The following WDFY2 variants were observed in gnomAD, a reference collection of about 807,000 sequenced individuals.
WDFY2 encodes the protein WD repeat and FYVE domain containing 2, also known as WD repeat and FYVE domain-containing protein 2.
Under a neutral mutation model 56.4 loss-of-function variants are expected in WDFY2, and 36 were observed. The ratio of observed to expected loss-of-function variants is 0.64; its 90% CI spans 0.49 to 0.84. WDFY2 has a LOEUF of 0.84. WDFY2 is among the 40% of genes least tolerant of loss of function. The pLI is 0.00. For synonymous variants in WDFY2, 176 were observed against 183.7 expected (o/e 0.96, Z 0.34); for missense variants, 444 against 512.2 (o/e 0.87, Z 1.29).
chr13:51,597,584 G>A (rs576355704), intron 1 of WDFY2, among the ~76,000 whole-genome samples: 17 of 152,278 alleles, frequency 1.1e-4, no homozygotes, highest in Middle Eastern at 3.4e-3. Flanking sequence ...AGTAGTTCAT[G>A]CTTATGTATG....
At chr13:51,705,833 C>T (rs921874181) in intron 4 of WDFY2, among the ~76,000 whole-genome samples, 17 of 151,976 alleles carry the variant, frequency 1.1e-4, no homozygotes, top group African/African-American at 3.9e-4. Context: ...TTGTTTTTAG[C>T]CTAAATGCTG....
chr13:51,664,380 C>T (rs967585065), intron 2 of WDFY2, among the ~76,000 whole-genome samples: 1 of 152,188 alleles, frequency 6.6e-6, no homozygotes, highest in African/African-American at 2.4e-5. Context: ...TAGTCTCAGC[C>T]TGGGCAGGGC....
chr13:51,729,590 C>A (rs1200604483), intron 6 of WDFY2, among the ~76,000 whole-genome samples: 1 of 151,638 alleles, frequency 6.6e-6, no homozygotes, highest in Non-Finnish European at 1.5e-5. Flanking sequence ...CTTCTCTTCT[C>A]AGTGCAGGAG....
chr13:51,739,268 T>G, intron 7 of WDFY2, 93 bp downstream of exon 7: 1 of 1,387,908 alleles, frequency 7.2e-7, no homozygotes. Flanking sequence ...TGGCAGGATC[T>G]TAGCATGGGA....
chr13:51,606,432 G>A (rs3908968), intron 1 of WDFY2, among the ~76,000 whole-genome samples: 20,712 of 152,066 alleles, frequency 0.14, 1,759 homozygotes, highest in South Asian at 0.23. Context: ...GATATATCCA[G>A]GTTAGATGCT....
intron 1 of WDFY2, among the ~76,000 whole-genome samples, chr13:51,605,642 A>G (rs1954372626): frequency 6.6e-6 from 1 of 152,260 alleles, no homozygotes; most frequent in Non-Finnish European, 1.5e-5. Flanking sequence ...TTCACATTAC[A>G]TAATTATTAC....
intron 3 of WDFY2, among the ~76,000 whole-genome samples, chr13:51,701,923 A>C (rs1951993242): frequency 6.6e-6 from 1 of 152,174 alleles, no homozygotes; most frequent in Non-Finnish European, 1.5e-5. Flanking sequence ...GCCTGTGATT[A>C]AAAGTTGCTA....
chr13:51,601,249 G>A (rs57658668), intron 1 of WDFY2, among the ~76,000 whole-genome samples: 4 of 152,058 alleles, frequency 2.6e-5, no homozygotes, highest in Admixed American at 1.3e-4. Flanking sequence ...TATGGGCACA[G>A]CATATATCCT....
chr13:51,619,059 A>G (rs1022284402), intron 1 of WDFY2, among the ~76,000 whole-genome samples: 1 of 152,234 alleles, frequency 6.6e-6, no homozygotes, highest in African/African-American at 2.4e-5. Context: ...GGAAAAGCAG[A>G]TTGTGTGCCT....
At chr13:51,665,955 C>T (rs1045556106) in intron 2 of WDFY2, among the ~76,000 whole-genome samples, 3 of 152,192 alleles carry the variant, frequency 2.0e-5, no homozygotes, top group South Asian at 2.1e-4. Flanking sequence ...GTCTTGTCAC[C>T]TTCCCAGTTC....
chr13:51,589,700 G>T (rs1411252855), intron 1 of WDFY2: 5 of 152,194 alleles, frequency 3.3e-5, no homozygotes. Flanking sequence ...TTTTCAGAGT[G>T]AGGGAGTGAG....
chr13:51,607,075 A>G (rs1285052286), intron 1 of WDFY2, among the ~76,000 whole-genome samples: 1 of 152,232 alleles, frequency 6.6e-6, no homozygotes, highest in Non-Finnish European at 1.5e-5. Context: ...TAAAATTTGT[A>G]TGCTTTTCTC....
intron 1 of WDFY2, among the ~76,000 whole-genome samples, chr13:51,637,801 GATTA>G (rs1489048055): frequency 6.6e-6 from 1 of 152,142 alleles, no homozygotes; most frequent in Non-Finnish European, 1.5e-5. Context: ...TGTGATAAAG[GATTA>G]ATTGTCTTAA....
At chr13:51,605,246 G>A (rs1833133016) in intron 1 of WDFY2, among the ~76,000 whole-genome samples, 2 of 152,120 alleles carry the variant, frequency 1.3e-5, no homozygotes, top group Non-Finnish European at 2.9e-5. Flanking sequence ...GATCAGGAGC[G>A]GGCAATGGAG....
chr13:51,606,063 A>G (rs1954380171), intron 1 of WDFY2, among the ~76,000 whole-genome samples: 1 of 152,242 alleles, frequency 6.6e-6, no homozygotes, highest in South Asian at 2.1e-4. Context: ...TACTTGGACT[A>G]TATCCCAGCT....
intron 3 of WDFY2, among the ~76,000 whole-genome samples, chr13:51,692,037 T>C (rs1380083432): frequency 6.6e-6 from 1 of 152,224 alleles, no homozygotes; most frequent in Non-Finnish European, 1.5e-5. Flanking sequence ...TTTTGTACAT[T>C]GATTTTGTAT....
At chr13:51,640,305 T>C (rs1955130970) in intron 1 of WDFY2, among the ~76,000 whole-genome samples, 1 of 152,222 alleles carries the variant, frequency 6.6e-6, no homozygotes, top group Admixed American at 6.5e-5. Flanking sequence ...TTAAAAACAG[T>C]TTCTTGTGGG....
intron 8 of WDFY2, among the ~76,000 whole-genome samples, chr13:51,752,486 T>A (rs1301153771): frequency 6.6e-6 from 1 of 152,204 alleles, no homozygotes. Context: ...GGTAGCCTGC[T>A]TTGGGTTAGG....
chr13:51,641,904 T>C (rs1955175208), intron 1 of WDFY2, among the ~76,000 whole-genome samples: 1 of 151,828 alleles, frequency 6.6e-6, no homozygotes, highest in African/African-American at 2.4e-5. Context: ...TGTAGTTGAG[T>C]TACAGTTATC....
Sources: gnomAD v4.1 joint callset for allele counts (sites outside exome capture counted in the v4.1 genomes callset) on GRCh38, gnomAD v4.1.1 for gene constraint, MANE v1.5 for transcripts, NCBI Gene and HGNC (gene_info 2026-07-23, HGNC 2026-07-21) for gene names.